LIPG: variants seen among roughly 807,000 people sequenced by gnomAD.
LIPG encodes endothelial lipase.
LIPG carries 34 observed loss-of-function variants against 51.8 expected under a neutral mutation model. The observed-to-expected ratio is 0.66, with a 90% CI of 0.50 to 0.87. The LOEUF (loss-of-function observed/expected upper bound fraction) is 0.87, where lower values mean the gene tolerates loss of function less well. LIPG is among the 40% of genes least tolerant of loss of function. The pLI is 0.00. For missense variants in LIPG, 580 were observed against 652.7 expected, an observed-to-expected ratio of 0.89 and a Z score of 1.21; for synonymous variants, 246 against 246.1, an observed-to-expected ratio of 1.00 and a Z score of 0.00.
chr18:49,570,104 C>T (rs966123031), intron 4 of LIPG, among the ~76,000 whole-genome samples: 4 of 152,138 alleles, frequency 2.6e-5, no homozygotes, highest in African/African-American at 9.7e-5. Context: ...TCTTGTCTCC[C>T]AATAGCCTCT....
rs1032767433 is a variant in LIPG, at chr18:49,593,930, G to C, written c.*3408G>C. The C allele has an allele frequency of 6.6e-6, 1 of 152,116 alleles. No individual in the cohort carries two copies. Among genetic ancestry groups the C allele is most frequent in the African/African-American group, 2.4e-5 (1 of 41,410 alleles). 9.4% of individuals were successfully genotyped at this position (152,116 alleles called of 1,614,324 possible). On this transcript the variant is annotated 3_prime_UTR_variant, in exon 10 of 10. Transcript: ENST00000261292. ...AATAGTGATGTTTCGATACATACAA[G>C]GTATAGTGATCATGTTGGAATAATT...
At chr18:49,561,887 C>T (rs531120528), upstream of LIPG, 25 of 1,279,658 alleles carry the variant, frequency 2.0e-5, no homozygotes, top group East Asian at 2.0e-4. Context: ...GCGGCGTCCA[C>T]GCGGTGAGTG....
At chr18:49,580,606 C>T (rs1312298299) in intron 5 of LIPG, among the ~76,000 whole-genome samples, 1 of 151,772 alleles carries the variant, frequency 6.6e-6, no homozygotes, top group Non-Finnish European at 1.5e-5. Context: ...TGAGGCCAGC[C>T]CAGGCAACAT....
intron 9 of LIPG, 102 bp downstream of exon 9, chr18:49,586,952 C>T (rs1395911308): frequency 2.4e-6 from 2 of 846,416 alleles, no homozygotes; most frequent in Non-Finnish European, 2.0e-6. Context: ...ATAGCATGAA[C>T]AAAACAGATA....
Position 49,583,568 on chromosome 18 carries a change from C to A in LIPG, c.1170C>A (p.Ile390=), listed in dbSNP as rs776284980. 8.7e-6 allele frequency: 14 copies of A among 1,614,056 alleles called. No homozygotes were observed. Among genetic ancestry groups the A allele is most frequent in the South Asian group, 6.6e-5 (6 of 91,066 alleles). ...QTLPLEIVER[I]EQNATNTFLV... Reference sequence around the variant, plus strand: ...CTCCCACTTGTAGAGTGGAGCGGATCGAGCAGAATGCCACCAACACCTTCC... The same window carrying A: ...CTCCCACTTGTAGAGTGGAGCGGATAGAGCAGAATGCCACCAACACCTTCC... Residue 390 remains isoleucine, a synonymous_variant, in exon 8 of 10, where the codon ATC becomes ATA. Transcript: ENST00000261292.
rs2084996249 is a variant in LIPG at position 49,599,051 on chromosome 18, G to C, written c.*8529G>C. The C allele has an allele frequency of 6.6e-6, 1 of 152,236 alleles. No homozygotes were observed. Among genetic ancestry groups the C allele is most frequent in the Non-Finnish European group, 1.5e-5 (1 of 68,044 alleles). 9.4% of individuals were successfully genotyped at this position (152,236 alleles called of 1,614,324 possible). On this transcript the variant is annotated 3_prime_UTR_variant, in exon 10 of 10. Coordinates refer to ENST00000261292, the MANE Select transcript of LIPG (RefSeq NM_006033.4). ...TTGTTTCCAGTTTTGAGTTATTAGA[G>C]TAATGCTACTATGAACATTTGCATA...
intron 2 of LIPG, among the ~76,000 whole-genome samples, chr18:49,566,766 C>T (rs898641415): frequency 6.6e-6 from 1 of 152,140 alleles, no homozygotes; most frequent in Non-Finnish European, 1.5e-5. Flanking sequence ...GGGCAACCCT[C>T]CCTAGCTGCC....
intron 1 of LIPG, among the ~76,000 whole-genome samples, chr18:49,563,852 A>G (rs2084575797): frequency 6.6e-6 from 1 of 152,114 alleles, no homozygotes; most frequent in Non-Finnish European, 1.5e-5. Context: ...TCTAAGAGGA[A>G]GAGTCTTTGT....
In LIPG at chr18:49,577,897, C is replaced by T. The variant is rs1273364766; in HGVS notation, c.793+2307C>T. ...GGGTGGCTGGCCGGGCTGAGGGGCT[C>T]CTCACTTCCCAGTAGGGGTGGGCGG... is the stretch of plus-strand genomic sequence containing the variant. On this transcript the variant is annotated intron_variant, in intron 5 of 9. Coordinates refer to ENST00000261292, the MANE Select transcript of LIPG (RefSeq NM_006033.4). Among the ~76,000 whole-genome samples the T allele has an allele frequency of 4.6e-5, 5 of 109,572 alleles. No homozygotes were observed. The South Asian group carries it at 1.7e-3, about 38-fold the overall frequency. The allele number at this position is 109,572 out of a possible 152,430, so 71.9% of individuals were successfully genotyped here.
intron 2 of LIPG, among the ~76,000 whole-genome samples, chr18:49,565,867 C>T (rs1187592646): frequency 1.3e-5 from 2 of 152,328 alleles, no homozygotes; most frequent in South Asian, 2.1e-4. Context: ...ACTTGACTGG[C>T]TCTGAGAACC....
intron 3 of LIPG, 71 bp downstream of exon 3, chr18:49,567,692 G>C (rs1292264618): frequency 1.2e-5 from 18 of 1,482,378 alleles, no homozygotes; most frequent in Non-Finnish European, 1.6e-5. Flanking sequence ...AGAAATGCAG[G>C]TCATGCATCT....
intron 9 of LIPG, among the ~76,000 whole-genome samples, chr18:49,588,305 C>A (rs1470831380): frequency 2.2e-5 from 3 of 135,726 alleles, no homozygotes; most frequent in Non-Finnish European, 3.1e-5. Flanking sequence ...TTTTTTGAGA[C>A]AAAGTCTCAC....
intron 6 of LIPG, 116 bp downstream of exon 6, chr18:49,581,773 C>T (rs1289376311): frequency 8.0e-7 from 1 of 1,246,722 alleles, no homozygotes; most frequent in Non-Finnish European, 1.2e-6. Context: ...ACAATCCAAT[C>T]AAATCGTTGC....
At chr18:49,585,649 T>A (rs1038679175) in intron 8 of LIPG, among the ~76,000 whole-genome samples, 1 of 152,224 alleles carries the variant, frequency 6.6e-6, no homozygotes, top group Non-Finnish European at 1.5e-5. Flanking sequence ...CTTGTGCACA[T>A]GTGTGTAAGG....
chr18:49,579,409 C>G (rs150855386), intron 5 of LIPG, among the ~76,000 whole-genome samples: 1 of 151,712 alleles, frequency 6.6e-6, no homozygotes, highest in Non-Finnish European at 1.5e-5. Context: ...AGATTACAGG[C>G]GCAAACCACC....
At position 49,597,172 on chromosome 18, in the gene LIPG, C is replaced by G. The variant is rs2084986852; in HGVS notation, c.*6650C>G. 6.6e-6 allele frequency: 1 copy of G among 152,190 alleles called. No homozygotes were observed. The highest frequency in any genetic ancestry group is 2.1e-4 in the South Asian group (1 of 4,836). 9.4% of individuals were successfully genotyped at this position (152,190 alleles called of 1,614,324 possible). Reference sequence around the variant, plus strand: ...AAAGGTTCCTGTTGGGATAGAGAAACAGTGGAGCAGGGCAGCCACCTTACA... The same window carrying G: ...AAAGGTTCCTGTTGGGATAGAGAAAGAGTGGAGCAGGGCAGCCACCTTACA... On this transcript the variant is annotated 3_prime_UTR_variant, in exon 10 of 10. Coordinates refer to ENST00000261292, the MANE Select transcript of LIPG (RefSeq NM_006033.4).
chr18:49,573,974 G>A (rs2084689677), intron 4 of LIPG, among the ~76,000 whole-genome samples: 1 of 152,150 alleles, frequency 6.6e-6, no homozygotes, highest in African/African-American at 2.4e-5. Context: ...TTCCTGGCCT[G>A]GCCCTGCTAG....
chr18:49,568,875 A>G (rs994663137), intron 3 of LIPG, among the ~76,000 whole-genome samples: 2 of 150,598 alleles, frequency 1.3e-5, no homozygotes, highest in African/African-American at 5.0e-5. Flanking sequence ...TCCTCTACCT[A>G]AGCTCTTCTA....
At chr18:49,561,722 C>T (rs761628753), upstream of LIPG, 1 of 1,244,256 alleles carries the variant, frequency 8.0e-7, no homozygotes, top group Non-Finnish European at 1.0e-6. Context: ...CCCCAGCGGA[C>T]GCAGAGTTTC....
Sources: gnomAD v4.1 joint callset for allele counts (sites outside exome capture counted in the v4.1 genomes callset) on GRCh38, gnomAD v4.1.1 for gene constraint, MANE v1.5 for transcripts, NCBI Gene and HGNC (gene_info 2026-07-23, HGNC 2026-07-21) for gene names.